The following PAN3 variants were observed in gnomAD, a reference collection of about 807,000 sequenced individuals.
The protein encoded by PAN3 is PAN2-PAN3 deadenylation complex subunit PAN3.
In PAN3, 19 loss-of-function variants were observed where a neutral mutation model predicts 96.2. The observed-to-expected ratio is 0.20, with a 90% CI of 0.14 to 0.29. The LOEUF (loss-of-function observed/expected upper bound fraction) is 0.29. PAN3 is among the 10% of genes least tolerant of loss of function. The pLI is 1.00. For missense variants in PAN3, 882 were observed against 1,108.1 expected, an observed-to-expected ratio of 0.80 and a Z score of 2.90; for synonymous variants, 433 against 406.6, an observed-to-expected ratio of 1.06 and a Z score of -0.78.
chr13:28,243,702 G>C (rs577720257), intron 6 of PAN3, among the ~76,000 whole-genome samples: 1 of 151,888 alleles, frequency 6.6e-6, no homozygotes, highest in South Asian at 2.1e-4. Context: ...TTTTGTTTCT[G>C]TTGTGAGAGG....
intron 6 of PAN3, among the ~76,000 whole-genome samples, chr13:28,226,167 G>T (rs1323032239): frequency 6.6e-6 from 1 of 152,044 alleles, no homozygotes; most frequent in East Asian, 1.9e-4. Context: ...GTCTTTCAAG[G>T]CACAAAAACT....
intron 6 of PAN3, among the ~76,000 whole-genome samples, chr13:28,223,465 T>C (rs1354010731): frequency 6.6e-6 from 1 of 152,218 alleles, no homozygotes; most frequent in Non-Finnish European, 1.5e-5. Flanking sequence ...TGCATATTTT[T>C]ATTTATAAAT....
intron 5 of PAN3, chr13:28,215,673 G>A: frequency 6.8e-7 from 1 of 1,473,716 alleles, no homozygotes; most frequent in Non-Finnish European, 9.2e-7. Context: ...TAAGCTGGAA[G>A]ATGGCCCTAA....
chr13:28,176,274 T>A (rs1203354136), intron 2 of PAN3, among the ~76,000 whole-genome samples: 1 of 152,200 alleles, frequency 6.6e-6, no homozygotes, highest in South Asian at 2.1e-4. Flanking sequence ...GTCTGTAGCT[T>A]TGGCTTTGAA....
chr13:28,220,518 A>T, intron 6 of PAN3, 140 bp downstream of exon 6: 1 of 1,014,474 alleles, frequency 9.9e-7, no homozygotes, highest in Non-Finnish European at 1.3e-6. Context: ...AGTTTTTGGT[A>T]CCATAGGCCA....
intron 6 of PAN3, among the ~76,000 whole-genome samples, chr13:28,234,490 G>T (rs115400772): frequency 0.016 from 2,388 of 152,230 alleles, 60 homozygotes; most frequent in African/African-American, 0.052. Context: ...AAAATTATAG[G>T]TAACAAGGGT....
At chr13:28,209,131 G>A (rs1300999946) in intron 5 of PAN3, among the ~76,000 whole-genome samples, 1 of 152,130 alleles carries the variant, frequency 6.6e-6, no homozygotes, top group African/African-American at 2.4e-5. Context: ...TTTTAAAATT[G>A]TTGTTGGTTT....
intron 6 of PAN3, among the ~76,000 whole-genome samples, chr13:28,243,420 G>A (rs1417266544): frequency 2.0e-5 from 3 of 152,054 alleles, no homozygotes; most frequent in South Asian, 2.1e-4. Flanking sequence ...TCACTTTTAT[G>A]GAATTCACAG....
intron 1 of PAN3, among the ~76,000 whole-genome samples, chr13:28,149,784 T>C (rs1871131565): frequency 1.3e-5 from 2 of 152,018 alleles, no homozygotes; most frequent in Non-Finnish European, 1.5e-5. Flanking sequence ...CCTGACTAAT[T>C]TTTTAAATTT....
intron 4 of PAN3, among the ~76,000 whole-genome samples, chr13:28,183,443 C>T (rs1348318142): frequency 1.3e-5 from 2 of 152,138 alleles, no homozygotes; most frequent in African/African-American, 2.4e-5. Context: ...CATTCACCTC[C>T]GCTTGTCAAG....
rs1885140409 is a variant in PAN3, at chr13:28,256,410, T to G, written c.1119T>G (p.Ser373=). ...TPNPASYMVP[S]SASTSVNNPV... Reference sequence around the variant, plus strand: ...ATCCAGCAAGTTACATGGTGCCTTCTAGTGCCTCTACATCTGTTAATAATC... The same window carrying G: ...ATCCAGCAAGTTACATGGTGCCTTCGAGTGCCTCTACATCTGTTAATAATC... Residue 373 remains serine (S), a synonymous_variant, in exon 7 of 19, where the codon TCT becomes TCG. Coordinates refer to ENST00000380958, the MANE Select transcript of PAN3 (RefSeq NM_175854.8). 6.2e-7 allele frequency: 1 copy of G among 1,613,992 alleles called. No homozygotes were observed. The highest frequency in any genetic ancestry group is 1.3e-5 in the African/African-American group (1 of 74,934).
chr13:28,249,491 C>T (rs1441676571), intron 6 of PAN3, among the ~76,000 whole-genome samples: 2 of 152,006 alleles, frequency 1.3e-5, no homozygotes, highest in East Asian at 3.9e-4. Context: ...CTCTGTTGCC[C>T]AGGCTGGAGT....
chr13:28,213,720 AG>A (rs1880348205), intron 5 of PAN3, among the ~76,000 whole-genome samples: 1 of 151,314 alleles, frequency 6.6e-6, no homozygotes, highest in Non-Finnish European at 1.5e-5. Flanking sequence ...AAAAAAAAAA[AG>A]GTTGGGGGAT....
intron 4 of PAN3, among the ~76,000 whole-genome samples, chr13:28,186,344 C>T (rs942994790): frequency 6.6e-6 from 1 of 152,100 alleles, no homozygotes; most frequent in African/African-American, 2.4e-5. Flanking sequence ...GAACCTGACC[C>T]TATGTTAATT....
chr13:28,258,973 C>T (rs1885447124), intron 7 of PAN3, among the ~76,000 whole-genome samples: 1 of 151,822 alleles, frequency 6.6e-6, no homozygotes, highest in Admixed American at 6.6e-5. Flanking sequence ...ATTTTTTTCC[C>T]CTGAATATTT....
At position 28,294,282 on chromosome 13, in the gene PAN3, T is replaced by C. The variant is rs117366562; in HGVS notation, c.*1760T>C. The stretch of plus-strand genomic sequence containing the variant: ...TTCACATTTGCCACCATAATGTTCT[T>C]TTTTATGTAAAAAGAAGAACTTGGA... On this transcript the variant is annotated 3_prime_UTR_variant, in exon 19 of 19. Transcript: ENST00000380958. 6.5e-6 allele frequency: 1 copy of C among 152,680 alleles called. No individual in the cohort carries two copies. Among genetic ancestry groups the C allele is most frequent in the African/African-American group, 2.4e-5 (1 of 41,464 alleles). The allele number at this position is 152,680 out of a possible 1,614,324, so 9.5% of individuals were successfully genotyped here. A position where few individuals can be genotyped will look rare whatever the true frequency, so the allele number is the denominator to read the frequency against.
At chr13:28,172,576 T>C (rs951686106) in intron 1 of PAN3, among the ~76,000 whole-genome samples, 1 of 152,228 alleles carries the variant, frequency 6.6e-6, no homozygotes, top group Non-Finnish European at 1.5e-5. Flanking sequence ...CAACAATGAT[T>C]GATTTTTCCC....
chr13:28,154,896 C>T (rs1317899628), intron 1 of PAN3, among the ~76,000 whole-genome samples: 1 of 151,032 alleles, frequency 6.6e-6, no homozygotes, highest in African/African-American at 2.4e-5. Flanking sequence ...TCTCGGCTCA[C>T]TGCAAGCTCC....
At chr13:28,214,240 C>G (rs778711070) in intron 5 of PAN3, among the ~76,000 whole-genome samples, 2 of 152,110 alleles carry the variant, frequency 1.3e-5, no homozygotes, top group African/African-American at 4.8e-5. Flanking sequence ...ACAAATGAAA[C>G]GTGTATTTGT....
Sources: gnomAD v4.1 joint callset for allele counts (sites outside exome capture counted in the v4.1 genomes callset) on GRCh38, gnomAD v4.1.1 for gene constraint, MANE v1.5 for transcripts, NCBI Gene and HGNC (gene_info 2026-07-23, HGNC 2026-07-21) for gene names.